SPAG16: variants seen among roughly 807,000 people sequenced by gnomAD.
SPAG16 encodes the protein sperm associated antigen 16.
A neutral mutation model predicts 80.4 loss-of-function variants in SPAG16; 86 were observed. That is an observed-to-expected ratio of 1.07 (90% CI 0.90 to 1.28). SPAG16 has a LOEUF of 1.28. Ranked by LOEUF, SPAG16 falls within the 50% of genes most tolerant of loss-of-function variation. The probability of loss-of-function intolerance (pLI) is 0.00; values close to 1 mark genes in which losing one functional copy is unlikely to be tolerated. For synonymous variants in SPAG16, 294 were observed against 265.9 expected, an observed-to-expected ratio of 1.11 and a Z score of -1.03; for missense variants, 870 against 765.3, an observed-to-expected ratio of 1.14 and a Z score of -1.61.
intron 9 of SPAG16, among the ~76,000 whole-genome samples, chr2:213,407,693 AGAG>A (rs2068710113): frequency 1.4e-5 from 2 of 139,224 alleles, no homozygotes; most frequent in African/African-American, 5.7e-5. Flanking sequence ...GAGAGACAGA[AGAG>A]AGAGAGAGAG....
chr2:213,777,546 C>G (rs908165800), intron 10 of SPAG16, among the ~76,000 whole-genome samples: 9 of 152,132 alleles, frequency 5.9e-5, no homozygotes, highest in Non-Finnish European at 1.2e-4. Context: ...AGCTGGATTA[C>G]AGGCGCCCGC....
At chr2:213,295,973 G>T in intron 1 of SPAG16, 91 bp from the exon 2 acceptor site, 1 of 1,071,190 alleles carries the variant, frequency 9.3e-7, no homozygotes, top group Non-Finnish European at 1.4e-6. Context: ...TGAGATAGTT[G>T]AATCCAATAC....
At chr2:213,840,781 C>A in intron 10 of SPAG16, among the ~76,000 whole-genome samples, 1 of 152,106 alleles carries the variant, frequency 6.6e-6, no homozygotes, top group East Asian at 1.9e-4. Flanking sequence ...CTAGGTAGTC[C>A]TAGTGACAAT....
chr2:213,303,646 C>G (rs964113155), intron 3 of SPAG16, among the ~76,000 whole-genome samples: 2 of 152,056 alleles, frequency 1.3e-5, no homozygotes, highest in Non-Finnish European at 2.9e-5. Context: ...TCTTTCTGTG[C>G]CTGACTTATT....
At chr2:213,355,201 C>T (rs1287990036) in intron 7 of SPAG16, among the ~76,000 whole-genome samples, 1 of 152,170 alleles carries the variant, frequency 6.6e-6, no homozygotes, top group Non-Finnish European at 1.5e-5. Context: ...TCTGAGGCCT[C>T]TGTTCTGTTC....
intron 10 of SPAG16, among the ~76,000 whole-genome samples, chr2:213,803,187 C>G (rs1439042428): frequency 6.6e-6 from 1 of 151,970 alleles, no homozygotes; most frequent in Non-Finnish European, 1.5e-5. Flanking sequence ...CTTTAATAGT[C>G]AATTATAGAC....
intron 10 of SPAG16, among the ~76,000 whole-genome samples, chr2:213,851,105 G>T (rs1209258115): frequency 2.0e-5 from 3 of 152,122 alleles, no homozygotes; most frequent in African/African-American, 7.2e-5. Context: ...AAATGTTGCT[G>T]TCTAATTTAA....
chr2:214,101,579 A>T (rs1192627358), intron 13 of SPAG16, among the ~76,000 whole-genome samples: 17 of 152,070 alleles, frequency 1.1e-4, no homozygotes, highest in Admixed American at 1.0e-3. Context: ...AAGCCCATGG[A>T]GGGTTAGGAG....
At chr2:213,894,776 G>A (rs1209755477) in intron 11 of SPAG16, among the ~76,000 whole-genome samples, 1 of 151,626 alleles carries the variant, frequency 6.6e-6, no homozygotes, top group East Asian at 1.9e-4. Context: ...AGATCACGAG[G>A]TCAGGAGATT....
chr2:213,392,094 T>C (rs1418030399), intron 9 of SPAG16, among the ~76,000 whole-genome samples: 1 of 152,206 alleles, frequency 6.6e-6, no homozygotes, highest in Non-Finnish European at 1.5e-5. Flanking sequence ...TTATATAAAA[T>C]AGGTGGTAAT....
At chr2:213,838,772 T>C (rs934689754) in intron 10 of SPAG16, among the ~76,000 whole-genome samples, 1 of 152,166 alleles carries the variant, frequency 6.6e-6, no homozygotes, top group Non-Finnish European at 1.5e-5. Flanking sequence ...CAAAGGAAAT[T>C]TTCTTATGCC....
chr2:213,519,168 T>C (rs1007999763), intron 10 of SPAG16, among the ~76,000 whole-genome samples: 5 of 152,084 alleles, frequency 3.3e-5, no homozygotes, highest in African/African-American at 1.2e-4. Flanking sequence ...CCTCTGTATC[T>C]AAAAAAAGGT....
At chr2:213,848,661 G>A (rs1009468891) in intron 10 of SPAG16, among the ~76,000 whole-genome samples, 3 of 152,078 alleles carry the variant, frequency 2.0e-5, no homozygotes, top group Admixed American at 6.6e-5. Flanking sequence ...TTATCAAAGC[G>A]TTTTTATAAT....
chr2:214,093,067 T>C (rs2125323206), intron 13 of SPAG16, among the ~76,000 whole-genome samples: 1 of 152,248 alleles, frequency 6.6e-6, no homozygotes, highest in South Asian at 2.1e-4. Context: ...TCTAAGTCTT[T>C]TAAGATTTAA....
At chr2:213,629,575 C>T (rs1317760266) in intron 10 of SPAG16, among the ~76,000 whole-genome samples, 2 of 152,208 alleles carry the variant, frequency 1.3e-5, no homozygotes, top group African/African-American at 2.4e-5. Context: ...TATTTCCCAT[C>T]CTGAGGAATG....
At chr2:213,660,722 C>T (rs898135529) in intron 10 of SPAG16, among the ~76,000 whole-genome samples, 6 of 152,178 alleles carry the variant, frequency 3.9e-5, no homozygotes, top group Non-Finnish European at 5.9e-5. Flanking sequence ...GCTTCAAGCA[C>T]TCCCAGGATC....
At chr2:214,008,550 G>T (rs2047136912) in intron 12 of SPAG16, among the ~76,000 whole-genome samples, 1 of 152,072 alleles carries the variant, frequency 6.6e-6, no homozygotes, top group African/African-American at 2.4e-5. Context: ...TTCGACACCA[G>T]CCTGGCCGAC....
intron 15 of SPAG16, among the ~76,000 whole-genome samples, chr2:214,333,769 G>T (rs922500910): frequency 6.6e-6 from 1 of 152,134 alleles, no homozygotes; most frequent in South Asian, 2.1e-4. Flanking sequence ...TAGAAAATTG[G>T]CTACACCAAA....
chr2:213,562,537 CT>C (rs766001330), intron 10 of SPAG16, among the ~76,000 whole-genome samples: 56 of 152,302 alleles, frequency 3.7e-4, no homozygotes, highest in Non-Finnish European at 6.9e-4. Flanking sequence ...GTTCTGGAGA[CT>C]GGAAAGTCCA....
Sources: gnomAD v4.1 joint callset for allele counts (sites outside exome capture counted in the v4.1 genomes callset) on GRCh38, gnomAD v4.1.1 for gene constraint, MANE v1.5 for transcripts, NCBI Gene and HGNC (gene_info 2026-07-23, HGNC 2026-07-21) for gene names.